PLEKHG1: variants seen among roughly 807,000 people sequenced by gnomAD.
The protein encoded by PLEKHG1 is pleckstrin homology domain-containing family G member 1.
In PLEKHG1, 44 loss-of-function variants were observed where a neutral mutation model predicts 100.8. The ratio of observed to expected loss-of-function variants is 0.44; its 90% CI spans 0.34 to 0.56. The LOEUF (loss-of-function observed/expected upper bound fraction) is 0.56. Among genes scored for constraint, PLEKHG1 ranks in the 20% least tolerant of loss-of-function variants. The probability of loss-of-function intolerance (pLI) is 0.01; values close to 1 mark genes in which losing one functional copy is unlikely to be tolerated. For missense variants in PLEKHG1, 1,545 were observed against 1,720.9 expected, an observed-to-expected ratio of 0.90 and a Z score of 1.81; for synonymous variants, 640 against 662.5, an observed-to-expected ratio of 0.97 and a Z score of 0.52.
At chr6:150,734,007 C>T in exon 2 of PLEKHG1, 1 of 1,614,158 alleles carries the variant, frequency 6.2e-7, no homozygotes, top group Non-Finnish European at 8.5e-7. Flanking sequence ...GCCACGAGCC[C>T]CAAGCTCCTC....
chr6:150,826,830 G>A (rs1013297258), intron 14 of PLEKHG1, among the ~76,000 whole-genome samples: 6 of 151,968 alleles, frequency 3.9e-5, no homozygotes, highest in African/African-American at 1.5e-4. Flanking sequence ...GTAGAGACAA[G>A]GTCTGACTAT....
chr6:150,620,806 A>G (rs1241396030), intron 1 of PLEKHG1, among the ~76,000 whole-genome samples: 1 of 152,200 alleles, frequency 6.6e-6, no homozygotes, highest in Non-Finnish European at 1.5e-5. Flanking sequence ...CAATCTCTAC[A>G]AGAGACATTA....
intron 3 of PLEKHG1, among the ~76,000 whole-genome samples, chr6:150,673,133 T>C (rs1779632801): frequency 6.6e-6 from 1 of 152,356 alleles, no homozygotes; most frequent in South Asian, 2.1e-4. Context: ...GGTCTGGGAA[T>C]AGAATTTTGG....
chr6:150,666,583 C>G (rs1389661458), intron 3 of PLEKHG1, among the ~76,000 whole-genome samples: 1 of 152,110 alleles, frequency 6.6e-6, no homozygotes, highest in Non-Finnish European at 1.5e-5. Context: ...GTGTTCATTG[C>G]AGACACAGAA....
chr6:150,651,089 A>C (rs1434742237), intron 3 of PLEKHG1: 1 of 152,254 alleles, frequency 6.6e-6, no homozygotes. Context: ...ATAATAAAAT[A>C]GAACAATTAT....
chr6:150,665,501 G>A (rs1011441943), intron 3 of PLEKHG1, among the ~76,000 whole-genome samples: 9 of 152,004 alleles, frequency 5.9e-5, no homozygotes, highest in African/African-American at 1.9e-4. Context: ...ATGGTGGCAC[G>A]TGCCTGTAGT....
intron 3 of PLEKHG1, among the ~76,000 whole-genome samples, chr6:150,658,681 AAATGAAGGGATTTT>A (rs1779065349): frequency 6.6e-6 from 1 of 152,224 alleles, no homozygotes; most frequent in Admixed American, 6.5e-5. Context: ...CTCTTTGAGG[AAATGAAGGGATTTT>A]AGTACAGCCA....
intron 1 of PLEKHG1, among the ~76,000 whole-genome samples, chr6:150,628,076 T>C (rs1201692864): frequency 6.6e-6 from 1 of 152,340 alleles, no homozygotes; most frequent in East Asian, 1.9e-4. Flanking sequence ...AGAATAAATA[T>C]TGTGAATTCA....
intron 3 of PLEKHG1, among the ~76,000 whole-genome samples, chr6:150,662,088 C>T (rs531418356): frequency 3.9e-5 from 6 of 152,206 alleles, no homozygotes; most frequent in South Asian, 2.1e-4. Flanking sequence ...CTACCCTCAC[C>T]GTGTATCCCA....
intron 2 of PLEKHG1, among the ~76,000 whole-genome samples, chr6:150,741,239 ATGAGT>A (rs955732772): frequency 6.6e-6 from 1 of 152,096 alleles, no homozygotes; most frequent in Non-Finnish European, 1.5e-5. Flanking sequence ...TGAGAGCAAA[ATGAGT>A]TGAGATTTGC....
chr6:150,695,188 C>T (rs1382258324), intron 3 of PLEKHG1, among the ~76,000 whole-genome samples: 1 of 152,214 alleles, frequency 6.6e-6, no homozygotes, highest in Non-Finnish European at 1.5e-5. Context: ...ATTTGTCCTA[C>T]TTAAACCTAC....
chr6:150,763,024 C>CTTTTTTTTT (rs60462437), intron 2 of PLEKHG1, among the ~76,000 whole-genome samples: 1,312 of 76,394 alleles, frequency 0.017, 144 homozygotes, highest in African/African-American at 0.078. Context: ...GATAAAGCTT[C>CTTTTTTTTT]TTTTTTTTTT....
chr6:150,606,470 C>G (rs1439508002), intron 1 of PLEKHG1, among the ~76,000 whole-genome samples: 1 of 152,200 alleles, frequency 6.6e-6, no homozygotes, highest in South Asian at 2.1e-4. Context: ...CCCTTCCCAG[C>G]TCTGGCAAGC....
chr6:150,814,435 G>A (rs566575246), intron 10 of PLEKHG1, among the ~76,000 whole-genome samples: 3 of 152,158 alleles, frequency 2.0e-5, no homozygotes, highest in African/African-American at 7.2e-5. Flanking sequence ...CCAAGTTGTC[G>A]ATCCTTTCTA....
In PLEKHG1 at chr6:150,697,012, G is replaced by C. The variant is rs1780568008; in HGVS notation, c.-98-36572G>C. On this transcript the variant is annotated intron_variant, in intron 3 of 3. Transcript: ENST00000367326. Reference sequence around the variant, plus strand: ...CTTGGGAGGCTGAGGCACGAGAATTGCCTGAACCTGGGAGGCAGAGGTTGC... The same window carrying C: ...CTTGGGAGGCTGAGGCACGAGAATTCCCTGAACCTGGGAGGCAGAGGTTGC... 2.6e-5 allele frequency among the ~76,000 whole-genome samples: 4 copies of C among 151,896 alleles called. No individual in the cohort carries two copies. In the South Asian group the frequency reaches 8.3e-4, roughly 32 times the overall value.
chr6:150,669,664 A>G (rs891976206), intron 3 of PLEKHG1, among the ~76,000 whole-genome samples: 5 of 144,726 alleles, frequency 3.5e-5, no homozygotes, highest in African/African-American at 1.3e-4. Context: ...TTGCGCGATC[A>G]TGCCTCACTG....
At chr6:150,629,060 G>T (rs1240179789) in intron 1 of PLEKHG1, among the ~76,000 whole-genome samples, 1 of 152,204 alleles carries the variant, frequency 6.6e-6, no homozygotes, top group Non-Finnish European at 1.5e-5. Context: ...AGCCTGTTTG[G>T]GTGTAAAGGG....
chr6:150,716,346 T>G (rs1781443981), upstream of PLEKHG1, among the ~76,000 whole-genome samples: 1 of 152,216 alleles, frequency 6.6e-6, no homozygotes, highest in Non-Finnish European at 1.5e-5. Context: ...TAAAATACTA[T>G]TTGTGTTTTC....
chr6:150,715,037 G>A (rs1308368792), intron 3 of PLEKHG1, among the ~76,000 whole-genome samples: 1 of 152,036 alleles, frequency 6.6e-6, no homozygotes, highest in Non-Finnish European at 1.5e-5. Context: ...GGCCCCAAAT[G>A]ATCCACCCAC....
Sources: gnomAD v4.1 joint callset for allele counts (sites outside exome capture counted in the v4.1 genomes callset) on GRCh38, gnomAD v4.1.1 for gene constraint, MANE v1.5 for transcripts, NCBI Gene and HGNC (gene_info 2026-07-23, HGNC 2026-07-21) for gene names.